The following AGBL1 variants were observed in gnomAD, a reference collection of about 807,000 sequenced individuals.
The protein encoded by AGBL1 is AGBL carboxypeptidase 1.
In AGBL1, 130 loss-of-function variants were observed where a neutral mutation model predicts 118.9. That is an observed-to-expected ratio of 1.09 (90% CI 0.95 to 1.26). AGBL1 has a LOEUF of 1.26. Among genes scored for constraint, AGBL1 ranks in the 50% most tolerant of loss-of-function variants. The pLI, the probability that AGBL1 is intolerant of heterozygous loss-of-function variation, is 0.00. For missense variants in AGBL1, 1,584 were observed against 1,298.1 expected (o/e 1.22, Z -3.38); for synonymous variants, 555 against 478.9 (o/e 1.16, Z -2.08).
At chr15:86,166,488 T>G (rs796965778) in intron 5 of AGBL1, among the ~76,000 whole-genome samples, 1 of 152,058 alleles carries the variant, frequency 6.6e-6, no homozygotes, top group Non-Finnish European at 1.5e-5. Flanking sequence ...CTTTGGAGAG[T>G]CTTCCTTGAA....
chr15:86,572,468 C>T (rs2084023778), intron 21 of AGBL1, among the ~76,000 whole-genome samples: 1 of 152,184 alleles, frequency 6.6e-6, no homozygotes, highest in African/African-American at 2.4e-5. Flanking sequence ...CTCAGCCCGG[C>T]CCCATCGTGG....
At chr15:86,644,933 A>C (rs973805468) in intron 21 of AGBL1, among the ~76,000 whole-genome samples, 1 of 151,908 alleles carries the variant, frequency 6.6e-6, no homozygotes, top group Non-Finnish European at 1.5e-5. Flanking sequence ...AGGCAGGAGA[A>C]TTGCTTAAAC....
At chr15:86,738,549 A>G (rs1281224037) in intron 22 of AGBL1, among the ~76,000 whole-genome samples, 2 of 152,256 alleles carry the variant, frequency 1.3e-5, no homozygotes, top group South Asian at 2.1e-4. Context: ...ACAGATTTAC[A>G]TACAAAGGTC....
chr15:86,346,268 C>A (rs7164300), intron 17 of AGBL1, among the ~76,000 whole-genome samples: 93,472 of 151,544 alleles, frequency 0.62, 30,287 homozygotes, highest in Non-Finnish European at 0.72. Context: ...AGGCACGAGC[C>A]ACTGTGCCCA....
chr15:86,546,767 G>C (rs1046830708), intron 20 of AGBL1, among the ~76,000 whole-genome samples: 1 of 152,202 alleles, frequency 6.6e-6, no homozygotes, highest in Non-Finnish European at 1.5e-5. Flanking sequence ...GAGGGGTAAA[G>C]AAGGGAGTAC....
chr15:86,641,309 T>C (rs1322026060), intron 21 of AGBL1, among the ~76,000 whole-genome samples: 1 of 152,124 alleles, frequency 6.6e-6, no homozygotes, highest in Admixed American at 6.6e-5. Context: ...AATGAATGTA[T>C]AAAATACACA....
At chr15:86,312,426 C>T (rs12917608) in intron 17 of AGBL1, 113,469 of 152,166 alleles carry the variant, frequency 0.75, 42,746 homozygotes, top group African/African-American at 0.84. Flanking sequence ...AGCTGAGTCA[C>T]TGGGCAAATT....
intron 21 of AGBL1, among the ~76,000 whole-genome samples, chr15:86,637,952 G>A (rs150675623): frequency 1.4e-3 from 212 of 152,262 alleles, no homozygotes; most frequent in African/African-American, 4.5e-3. Flanking sequence ...AGAAAATCTA[G>A]TTTCTCTATC....
At chr15:86,482,332 T>C (rs1316406703) in intron 18 of AGBL1, among the ~76,000 whole-genome samples, 5 of 152,150 alleles carry the variant, frequency 3.3e-5, no homozygotes, top group Admixed American at 3.3e-4. Context: ...ATTGTTATTA[T>C]TGACTCTTGC....
intron 22 of AGBL1, among the ~76,000 whole-genome samples, chr15:86,801,599 G>C (rs1028552617): frequency 1.3e-5 from 2 of 152,028 alleles, no homozygotes; most frequent in African/African-American, 4.8e-5. Flanking sequence ...GCATATATCT[G>C]TCTGTATCTG....
rs1286714375 is a variant in AGBL1 at position 86,913,798 on chromosome 15, T to G, written c.*6504T>G. The G allele has an allele frequency of 6.6e-6, 1 of 152,138 alleles. No homozygotes were observed. The highest frequency in any genetic ancestry group is 2.4e-5 in the African/African-American group (1 of 41,378). The allele number at this position is 152,138 out of a possible 1,614,324, so 9.4% of individuals were successfully genotyped here. ...CAGGAGGATCACCTGAGCCTGGAAG[T>G]GGAAGGTTGAGGCTACGGTGAGTCG... is the stretch of plus-strand genomic sequence containing the variant. On this transcript the variant is annotated 3_prime_UTR_variant, in exon 23 of 23. Coordinates refer to ENST00000614907, the MANE Select transcript of AGBL1 (RefSeq NM_001386094.1).
At chr15:86,792,464 T>A (rs1325652643) in intron 22 of AGBL1, among the ~76,000 whole-genome samples, 3 of 152,106 alleles carry the variant, frequency 2.0e-5, no homozygotes, top group Non-Finnish European at 4.4e-5. Flanking sequence ...AGCATGGAAG[T>A]TATTGAGAGT....
At chr15:86,193,058 A>G (rs1045773320) in intron 5 of AGBL1, among the ~76,000 whole-genome samples, 1 of 152,226 alleles carries the variant, frequency 6.6e-6, no homozygotes, top group African/African-American at 2.4e-5. Context: ...AAATAAATAT[A>G]ACTGCAGAAA....
chr15:86,125,772 C>T (rs190408741), intron 1 of AGBL1, among the ~76,000 whole-genome samples: 9 of 152,366 alleles, frequency 5.9e-5, no homozygotes, highest in African/African-American at 1.9e-4. Context: ...CAACTTCTAT[C>T]ATCATGACAT....
chr15:86,456,985 A>T (rs961871697), intron 18 of AGBL1, among the ~76,000 whole-genome samples: 2 of 152,186 alleles, frequency 1.3e-5, no homozygotes, highest in Non-Finnish European at 2.9e-5. Flanking sequence ...TTCAAAAATT[A>T]TATATGTAGA....
chr15:86,687,386 C>A (rs201869211), intron 22 of AGBL1, among the ~76,000 whole-genome samples: 3 of 152,056 alleles, frequency 2.0e-5, no homozygotes, highest in African/African-American at 7.2e-5. Flanking sequence ...GCTAATTAGA[C>A]CCTCATGTCT....
intron 21 of AGBL1, among the ~76,000 whole-genome samples, chr15:86,564,975 G>C (rs2083889685): frequency 6.6e-6 from 1 of 152,120 alleles, no homozygotes; most frequent in Non-Finnish European, 1.5e-5. Context: ...ATGGTTTTCA[G>C]CTCCATCAGG....
chr15:86,652,856 A>G (rs1378959547), intron 21 of AGBL1, among the ~76,000 whole-genome samples: 6 of 152,122 alleles, frequency 3.9e-5, no homozygotes, highest in African/African-American at 1.2e-4. Flanking sequence ...GAGACATTTG[A>G]CAGTATCTAG....
chr15:86,487,300 T>G (rs2082725926), intron 18 of AGBL1, among the ~76,000 whole-genome samples: 1 of 152,062 alleles, frequency 6.6e-6, no homozygotes, highest in South Asian at 2.1e-4. Flanking sequence ...AAAAGGAGCT[T>G]CATCCTCCAA....
Sources: gnomAD v4.1 joint callset for allele counts (sites outside exome capture counted in the v4.1 genomes callset) on GRCh38, gnomAD v4.1.1 for gene constraint, MANE v1.5 for transcripts, NCBI Gene and HGNC (gene_info 2026-07-23, HGNC 2026-07-21) for gene names.